CFAP65: variants seen among roughly 807,000 people sequenced by gnomAD.
CFAP65 encodes cilia and flagella associated protein 65.
Under a neutral mutation model 208.0 loss-of-function variants are expected in CFAP65, and 155 were observed. That is an observed-to-expected ratio of 0.75 (90% CI 0.65 to 0.85). CFAP65 has a LOEUF of 0.85. Among genes scored for constraint, CFAP65 ranks in the 40% least tolerant of loss-of-function variants. CFAP65 has a pLI of 0.00. For missense variants in CFAP65, 2,294 were observed against 2,451.3 expected (o/e 0.94, Z 1.36); for synonymous variants, 970 against 986.3 (o/e 0.98, Z 0.31).
chr2:219,024,036 A>C lies in CFAP65; in HGVS notation c.2574T>G (p.Asn858Lys). 6.2e-7 allele frequency: 1 copy of C among 1,613,878 alleles called. No individual in the cohort carries two copies. Among genetic ancestry groups the C allele is most frequent in the African/African-American group, 1.3e-5 (1 of 75,052 alleles). Residue 858 changes from asparagine to lysine, a missense_variant, in exon 15 of 35, where the codon AAT becomes AAG. By Grantham distance (94) the Asn-to-Lys change is moderately conservative. Coordinates refer to ENST00000341552, the MANE Select transcript of CFAP65 (RefSeq NM_194302.4). ...CTACCTTGAGATACTGGGGGGAAGCATTGCACTGCAGATAGAAAGTGTGCT... is the reference window on the plus strand; with the variant it reads ...CTACCTTGAGATACTGGGGGGAAGCCTTGCACTGCAGATAGAAAGTGTGCT... ...WKQHTFYLQCNASPQYLKEVS... is the reference protein window; with the variant it reads ...WKQHTFYLQCKASPQYLKEVS...
In CFAP65 at chr2:219,010,822, C is replaced by T. The variant is rs543226281; in HGVS notation, c.4132G>A (p.Glu1378Lys). 1 of 1,607,462 alleles carries T rather than the reference C, an allele frequency of 6.2e-7. No homozygotes were observed. Among genetic ancestry groups the T allele is most frequent in the Admixed American group, 1.7e-5 (1 of 59,778 alleles). ...CTGCTCACCGTGTAGGTCTTGGCCT[C>T]GATAGGTGAGAAGATCCACAAGACC... ...ARVLWIFSPIEAKTYTVDVPI... is the reference protein window; with the variant it reads ...ARVLWIFSPIKAKTYTVDVPI... The change falls in exon 25 of 35, where the codon GAG becomes AAG. Residue 1378 changes from glutamate to lysine, a missense_variant. Physicochemically the swap from Glu to Lys is moderately conservative, Grantham distance 56 (BLOSUM62 1). Around this residue, in one of 2 missense-constraint regions of CFAP65, gnomAD observed 1,427 missense variants for 1,438.7 expected, o/e 0.99. Coordinates refer to ENST00000341552, the MANE Select transcript of CFAP65 (RefSeq NM_194302.4).
Position 219,003,152 on chromosome 2 carries a change from C to T in CFAP65, c.5676G>A (p.Pro1892=). Residue 1892 remains proline, a synonymous_variant, in exon 34 of 35, where the codon CCG becomes CCA. Transcript: ENST00000341552. This position sits in a 1 kb window ranked among gnomAD's most constrained non-coding sequence, Gnocchi z 4.4. ...LTSRPRVIAL[P]PFCVPRSLTP... is the part of the protein sequence containing the mutation. Reference sequence around the variant, plus strand: ...GCCCTTACCTGGGCACGCAGAACGGCGGCAGGGCGATGACGCGTGGCCGCG... The same window carrying T: ...GCCCTTACCTGGGCACGCAGAACGGTGGCAGGGCGATGACGCGTGGCCGCG... The T allele has an allele frequency of 6.5e-7, 1 of 1,543,990 alleles. No individual in the cohort carries two copies. The highest frequency in any genetic ancestry group is 8.7e-7 in the Non-Finnish European group (1 of 1,142,874).
chr2:219,032,598 A>AC lies in CFAP65; in HGVS notation c.543-27dup. On this transcript the variant is annotated intron_variant, in intron 5 of 34. Transcript: ENST00000341552. The surrounding 1 kb of genome is among the most constrained non-coding windows in gnomAD (Gnocchi z 5.5). ...CTGCAGGAGAGAGCCGGTGGGGAGC[A>AC]CCTCAGATCAGGGCTCAGAACAACT... The AC allele has an allele frequency of 6.4e-7, 1 of 1,561,232 alleles. No individual in the cohort carries two copies. Among genetic ancestry groups the AC allele is most frequent in the Non-Finnish European group, 8.7e-7 (1 of 1,149,698 alleles).
chr2:219,008,999 G>C, intron 29 of CFAP65, 48 bp downstream of exon 29: 1 of 1,511,602 alleles, frequency 6.6e-7, no homozygotes, highest in Non-Finnish European at 9.2e-7. Flanking sequence ...CTCTGGTAAG[G>C]CCAGTCAGAA....
Position 219,038,539 on chromosome 2 carries a change from C to T in CFAP65, c.193G>A (p.Asp65Asn). ...QSAPFGLCPK[D>N]MMLTQAPSSV... Reference sequence around the variant, plus strand: ...CTTGGAGCCTGGGTGAGCATCATGTCCTTGGGACACAGTCCAAAGGGAGCA... The same window carrying T: ...CTTGGAGCCTGGGTGAGCATCATGTTCTTGGGACACAGTCCAAAGGGAGCA... Residue 65 changes from aspartate to asparagine, a missense_variant, in exon 4 of 35, where the codon GAC (aspartate) becomes AAC (asparagine). Physicochemically the swap from Asp to Asn is conservative, Grantham distance 23. This residue lies in a region of CFAP65 where 867 missense variants were observed against 1,012.6 expected (regional missense o/e 0.86). Coordinates refer to ENST00000341552, the MANE Select transcript of CFAP65 (RefSeq NM_194302.4). The T allele has an allele frequency of 2.5e-6, 4 of 1,614,122 alleles. No individual in the cohort carries two copies. The highest frequency in any genetic ancestry group is 3.4e-6 in the Non-Finnish European group (4 of 1,180,008).
At position 219,035,721 on chromosome 2, in the gene CFAP65, G is replaced by T; in HGVS notation, c.358-57C>A. The T allele has an allele frequency of 1.8e-5, 28 of 1,542,736 alleles. 1 individual carries two copies. The highest frequency in any genetic ancestry group is 2.4e-5 in the Non-Finnish European group (28 of 1,148,846). ...AAAGGATGTATCAGCAGGGTGGGATGCCAAGACCCAGAGAACAGGTGAAGG... is the reference window on the plus strand; with the variant it reads ...AAAGGATGTATCAGCAGGGTGGGATTCCAAGACCCAGAGAACAGGTGAAGG... On this transcript the variant is annotated intron_variant, in intron 4 of 34. Coordinates refer to ENST00000341552, the MANE Select transcript of CFAP65 (RefSeq NM_194302.4).
chr2:219,022,254 C>G lies in CFAP65; in HGVS notation c.2896G>C (p.Gly966Arg), dbSNP rs139880103. ...GCGGGGTTGGCATTTGGGGACAGGC[C>G]GGCTTCCCAGACCCACATCCCCACT... is the stretch of plus-strand genomic sequence containing the variant. ...FQVGMWVWEAGLSPNANPAAT... is the reference protein window; with the variant it reads ...FQVGMWVWEARLSPNANPAAT... The change falls in exon 17 of 35, where the codon GGC becomes CGC. Residue 966 changes from glycine to arginine, a missense_variant. This residue lies in a region of CFAP65 where 1,427 missense variants were observed against 1,438.7 expected (regional missense o/e 0.99). Coordinates refer to ENST00000341552, the MANE Select transcript of CFAP65 (RefSeq NM_194302.4). 2.5e-6 allele frequency: 4 copies of G among 1,607,124 alleles called. No homozygotes were observed. Among genetic ancestry groups the G allele is most frequent in the Non-Finnish European group, 3.4e-6 (4 of 1,177,116 alleles).
Position 219,041,373 on chromosome 2 carries a change from G to A in CFAP65, c.-49+115C>T. The A allele has an allele frequency of 2.8e-6, 3 of 1,071,856 alleles. 1 individual carries two copies. Among genetic ancestry groups the A allele is most frequent in the South Asian group, 2.7e-5 (2 of 73,810 alleles). The allele number at this position is 1,071,856 out of a possible 1,614,324, so 66.4% of individuals were successfully genotyped here. A position where few individuals can be genotyped will look rare whatever the true frequency, so the allele number is the denominator to read the frequency against. On this transcript the variant is annotated intron_variant, in intron 1 of 34. Coordinates refer to ENST00000341552, the MANE Select transcript of CFAP65 (RefSeq NM_194302.4). ...TGGGGCTCTCTGAAGGGCATGGAGGGGACCTCTGGCCACGATTTCCCGAAG... is the reference window on the plus strand; with the variant it reads ...TGGGGCTCTCTGAAGGGCATGGAGGAGACCTCTGGCCACGATTTCCCGAAG...
chr2:219,025,905 G>A (rs1281306485), intron 14 of CFAP65, 117 bp downstream of exon 14: 1 of 1,311,578 alleles, frequency 7.6e-7, no homozygotes, highest in African/African-American at 1.5e-5. Context: ...GGGACAGCCA[G>A]GGAGGGTGCA....
chr2:219,035,209 G>A (rs1287025381), intron 5 of CFAP65: 3 of 1,006,616 alleles, frequency 3.0e-6, no homozygotes, highest in East Asian at 2.6e-5. Flanking sequence ...ACATATACAC[G>A]AATGCCAACA....
At chr2:219,007,127 G>A (rs1194861210) in intron 29 of CFAP65, among the ~76,000 whole-genome samples, 1 of 151,326 alleles carries the variant, frequency 6.6e-6, no homozygotes, top group Non-Finnish European at 1.5e-5. Context: ...CTTCCCTCAT[G>A]CCCCCAAGAA....
Position 219,039,062 on chromosome 2 carries a change from C to T in CFAP65, c.-2-12G>A. On this transcript the variant is annotated splice_polypyrimidine_tract_variant and intron_variant, in intron 2 of 34. Coordinates refer to ENST00000341552, the MANE Select transcript of CFAP65 (RefSeq NM_194302.4). ...TAAGGTAAACATCACTGAAATAAAT[C>T]AATCAAAGCATAAGTCAATCCATCT... The T allele has an allele frequency of 6.3e-7, 1 of 1,593,384 alleles. No homozygotes were observed. The highest frequency in any genetic ancestry group is 8.6e-7 in the Non-Finnish European group (1 of 1,169,166).
chr2:219,003,389 C>T lies in CFAP65; in HGVS notation c.5556-117G>A, dbSNP rs534210151. 36 of 1,257,144 alleles carry T rather than the reference C, an allele frequency of 2.9e-5. No homozygotes were observed. The South Asian group carries it at 5.2e-4, about 18-fold the overall frequency. The allele number at this position is 1,257,144 out of a possible 1,614,324, so 77.9% of individuals were successfully genotyped here. ...CTACGGAGATTCCCATTCGACTCCC[C>T]TCATCCACTACACTATGGGGCATTC... On this transcript the variant is annotated intron_variant, in intron 33 of 34. Coordinates refer to ENST00000341552, the MANE Select transcript of CFAP65 (RefSeq NM_194302.4). This position sits in a 1 kb window ranked among gnomAD's most constrained non-coding sequence, Gnocchi z 4.4.
intron 19 of CFAP65, among the ~76,000 whole-genome samples, chr2:219,020,369 T>A (rs1218685779): frequency 6.6e-6 from 1 of 151,934 alleles, no homozygotes; most frequent in African/African-American, 2.4e-5. Context: ...CCATTTTTAT[T>A]TATTTATTTA....
In CFAP65 at chr2:219,003,297, G is replaced by T; in HGVS notation, c.5556-25C>A. 1 of 1,500,738 alleles carries T rather than the reference G, an allele frequency of 6.7e-7. No homozygotes were observed. The highest frequency in any genetic ancestry group is 1.3e-5 in the South Asian group (1 of 76,788). 93.0% of individuals were successfully genotyped at this position (1,500,738 alleles called of 1,614,324 possible). A position where few individuals can be genotyped will look rare whatever the true frequency, so the allele number is the denominator to read the frequency against. On this transcript the variant is annotated intron_variant, in intron 33 of 34. Coordinates refer to ENST00000341552, the MANE Select transcript of CFAP65 (RefSeq NM_194302.4). The surrounding 1 kb of genome is among the most constrained non-coding windows in gnomAD (Gnocchi z 4.4). ...CCTGCGAGGGGGCGGGGGCTAGCAT[G>T]AGGGCGGCCGCAGTGCCCGCGCGCC...
rs772859264 is a variant in CFAP65, at chr2:219,035,545, T to C, written c.477A>G (p.Gly159=). The part of the protein sequence containing the change: ...EELHWKGWEL[G]KETTRNLVLK... The stretch of plus-strand genomic sequence containing the variant: ...GAACCAGATTCCTTGTGGTCTCCTT[T>C]CCTAGCTCCCAGCCTTTCCAATGCA... Residue 159 remains glycine, a synonymous_variant, in exon 5 of 35, where the codon GGA becomes GGG. Transcript: ENST00000341552. 7 of 1,614,154 alleles carry C rather than the reference T, an allele frequency of 4.3e-6. No individual in the cohort carries two copies. The highest frequency in any genetic ancestry group is 1.7e-5 in the Admixed American group (1 of 60,030).
rs1948603928 is a variant in CFAP65, at chr2:219,040,569, G to A, written c.-48-5C>T. 1 of 1,551,576 alleles carries A rather than the reference G, an allele frequency of 6.4e-7. No individual in the cohort carries two copies. Among genetic ancestry groups the A allele is most frequent in the African/African-American group, 1.4e-5 (1 of 73,048 alleles). ...ATGAAATCAAAGAAATGTAAGCTGA[G>A]GAGACACAGAGAGAGTCCATTACTT... On this transcript the variant is annotated splice_region_variant and splice_polypyrimidine_tract_variant and intron_variant, in intron 1 of 34. Transcript: ENST00000341552.
In CFAP65 at chr2:219,013,135, G is replaced by A. The variant is rs1946598548; in HGVS notation, c.3957+124C>T. Reference sequence around the variant, plus strand: ...GTTGCCCAGTCTGGGGGTTCAACCTGCTGGCCCAGCCCCTCAATGCTTCCA... The same window carrying A: ...GTTGCCCAGTCTGGGGGTTCAACCTACTGGCCCAGCCCCTCAATGCTTCCA... On this transcript the variant is annotated intron_variant, in intron 24 of 34. Transcript: ENST00000341552. 3 of 713,204 alleles carry A rather than the reference G, an allele frequency of 4.2e-6. No homozygotes were observed. In the South Asian group the frequency reaches 5.0e-5, roughly 12 times the overall value. 44.2% of individuals were successfully genotyped at this position (713,204 alleles called of 1,614,324 possible).
chr2:219,014,728 T>C (rs557236498), intron 21 of CFAP65: 1 of 152,226 alleles, frequency 6.6e-6, no homozygotes, highest in Non-Finnish European at 1.5e-5. Context: ...GAAAAGAAAG[T>C]GCCCAACACA....
Sources: gnomAD v4.1 joint callset for allele counts (sites outside exome capture counted in the v4.1 genomes callset) on GRCh38, gnomAD v4.1.1 for gene constraint, gnomAD v4.1.1 regional missense constraint, Gnocchi (gnomAD v3.1) non-coding constraint, MANE v1.5 for transcripts, NCBI Gene and HGNC (gene_info 2026-07-23, HGNC 2026-07-21) for gene names.